Variants in BAG2 observed in about 807,000 individuals in gnomAD.
BAG2 encodes BAG family molecular chaperone regulator 2.
Under a neutral mutation model 16.4 loss-of-function variants are expected in BAG2, and 8 were observed. That is an observed-to-expected ratio of 0.49 (90% CI 0.29 to 0.88). The LOEUF (loss-of-function observed/expected upper bound fraction) is 0.88. Ranked by LOEUF, BAG2 falls within the 40% of genes least tolerant of loss-of-function variation. The pLI, the probability that BAG2 is intolerant of heterozygous loss-of-function variation, is 0.09. For synonymous variants in BAG2, 82 were observed against 89.2 expected (o/e 0.92, Z 0.46); for missense variants, 218 against 248.9 (o/e 0.88, Z 0.84).
Position 57,188,505 on chromosome 6 carries a change from C to CAAGT in BAG2, c.*4316_*4319dup, listed in dbSNP as rs765130016. 1.3e-5 allele frequency: 2 copies of CAAGT among 151,992 alleles called. No individual in the cohort carries two copies. The highest frequency in any genetic ancestry group is 2.9e-5 in the Non-Finnish European group (2 of 68,000). The allele number at this position is 151,992 out of a possible 1,614,324, so 9.4% of individuals were successfully genotyped here. On this transcript the variant is annotated 3_prime_UTR_variant, in exon 3 of 3. Coordinates refer to ENST00000370693, the MANE Select transcript of BAG2 (RefSeq NM_004282.4). ...AAAGAACTAACTAGAACACATATAA[C>CAAGT]AAGTGATTTTTCTGCCAATAAAGAC...
At chr6:57,172,841 C>T in intron 1 of BAG2, 31 bp downstream of exon 1, 1 of 1,438,928 alleles carries the variant, frequency 6.9e-7, no homozygotes, top group African/African-American at 1.5e-5. Flanking sequence ...CTCGGGCGTT[C>T]TGCTCGCCGC....
chr6:57,182,893 C>T (rs539702661), intron 2 of BAG2, among the ~76,000 whole-genome samples: 4 of 152,266 alleles, frequency 2.6e-5, no homozygotes, highest in Middle Eastern at 3.4e-3. Flanking sequence ...TCAGGTGATC[C>T]GCCTGCCTCA....
chr6:57,185,664 A>G lies in BAG2; in HGVS notation c.*1474A>G, dbSNP rs1764599011. On this transcript the variant is annotated 3_prime_UTR_variant, in exon 3 of 3. Transcript: ENST00000370693. Reference sequence around the variant, plus strand: ...CATTAATTCTATCTATGGCAGAGCCACTTGGTTTGTTAGCAGACTGATTTG... The same window carrying G: ...CATTAATTCTATCTATGGCAGAGCCGCTTGGTTTGTTAGCAGACTGATTTG... 6.6e-6 allele frequency: 1 copy of G among 152,316 alleles called. No homozygotes were observed. The highest frequency in any genetic ancestry group is 1.5e-5 in the Non-Finnish European group (1 of 68,018). The allele number at this position is 152,316 out of a possible 1,614,324, so 9.4% of individuals were successfully genotyped here.
At chr6:57,182,404 C>A (rs1340806947) in intron 2 of BAG2, among the ~76,000 whole-genome samples, 1 of 151,686 alleles carries the variant, frequency 6.6e-6, no homozygotes, top group African/African-American at 2.4e-5. Flanking sequence ...TGGCCCCAAG[C>A]AGTAAGGCCA....
In BAG2 at chr6:57,189,171, CAT is replaced by C. The variant is rs1491561820; in HGVS notation, c.*4982_*4983del. On this transcript the variant is annotated 3_prime_UTR_variant, in exon 3 of 3. Transcript: ENST00000370693. ...AAGTGACAAAATTTATGTCCTGACA[CAT>C]GATTACATATTAAATCATTTTGTAA... 6.6e-6 allele frequency: 1 copy of C among 152,150 alleles called. No homozygotes were observed. Among genetic ancestry groups the C allele is most frequent in the Admixed American group, 6.5e-5 (1 of 15,276 alleles). 9.4% of individuals were successfully genotyped at this position (152,150 alleles called of 1,614,324 possible). A position where few individuals can be genotyped will look rare whatever the true frequency, so the allele number is the denominator to read the frequency against.
intron 2 of BAG2, among the ~76,000 whole-genome samples, chr6:57,183,453 A>G (rs937674693): frequency 2.0e-5 from 3 of 152,196 alleles, no homozygotes; most frequent in Non-Finnish European, 4.4e-5. Context: ...TCTACCCAGC[A>G]TAAACCCTAT....
intron 2 of BAG2, among the ~76,000 whole-genome samples, chr6:57,182,534 A>G (rs1265068892): frequency 6.6e-6 from 1 of 151,332 alleles, no homozygotes; most frequent in Non-Finnish European, 1.5e-5. Context: ...AGAGACCAAA[A>G]AAAAAAAAAA....
chr6:57,182,446 T>G lies in BAG2; in HGVS notation c.223+305T>G, dbSNP rs377497115. ...TTATCCCAGGTTCACAGTCCTAACT[T>G]CAGTTCCTCACAAGTTACTGGACTG... On this transcript the variant is annotated intron_variant, in intron 2 of 2. Coordinates refer to ENST00000370693, the MANE Select transcript of BAG2 (RefSeq NM_004282.4). 4.0e-5 allele frequency among the ~76,000 whole-genome samples: 6 copies of G among 149,704 alleles called. No individual in the cohort carries two copies. In the East Asian group the frequency reaches 8.0e-4, roughly 20 times the overall value.
intron 1 of BAG2, among the ~76,000 whole-genome samples, chr6:57,176,602 A>G (rs1562639926): frequency 1.3e-5 from 2 of 152,280 alleles, no homozygotes; most frequent in South Asian, 2.1e-4. Context: ...CCCAAAACTT[A>G]TAACACAGTG....
Position 57,187,281 on chromosome 6 carries a change from T to C in BAG2, c.*3091T>C, listed in dbSNP as rs979166475. ...AAAATAATAATAATAAAGATTATTA[T>C]AGCCAAATCATCCAGTTAGCCAGGA... On this transcript the variant is annotated 3_prime_UTR_variant, in exon 3 of 3. Transcript: ENST00000370693. 1.3e-5 allele frequency: 2 copies of C among 152,196 alleles called. No homozygotes were observed. The highest frequency in any genetic ancestry group is 2.9e-5 in the Non-Finnish European group (2 of 68,040). 9.4% of individuals were successfully genotyped at this position (152,196 alleles called of 1,614,324 possible).
rs1449506162 is a variant in BAG2, at chr6:57,188,368, A to AAGAT, written c.*4180_*4183dup. 2 of 152,180 alleles carry AAGAT rather than the reference A, an allele frequency of 1.3e-5. No homozygotes were observed. The highest frequency in any genetic ancestry group is 1.9e-4 in the East Asian group (1 of 5,204). The allele number at this position is 152,180 out of a possible 1,614,324, so 9.4% of individuals were successfully genotyped here. ...TCTCTCTTCAGTTCTTATTTAAAAAAAGATAAAACTAGGTACATAAAATTA... is the reference window on the plus strand; with the variant it reads ...TCTCTCTTCAGTTCTTATTTAAAAAAAGATAGATAAAACTAGGTACATAAAATTA... On this transcript the variant is annotated 3_prime_UTR_variant, in exon 3 of 3. Transcript: ENST00000370693.
chr6:57,185,530 T>G lies in BAG2; in HGVS notation c.*1340T>G, dbSNP rs893555817. On this transcript the variant is annotated 3_prime_UTR_variant, in exon 3 of 3. Coordinates refer to ENST00000370693, the MANE Select transcript of BAG2 (RefSeq NM_004282.4). Reference sequence around the variant, plus strand: ...TCAAACTTCATTTTCTCTACAAAAATGCCAAGTTAGTCTCTTTATAAAAAG... The same window carrying G: ...TCAAACTTCATTTTCTCTACAAAAAGGCCAAGTTAGTCTCTTTATAAAAAG... The G allele has an allele frequency of 6.6e-6, 1 of 152,236 alleles. No individual in the cohort carries two copies. 9.4% of individuals were successfully genotyped at this position (152,236 alleles called of 1,614,324 possible).
At chr6:57,173,587 A>G in intron 1 of BAG2, 1 of 823,814 alleles carries the variant, frequency 1.2e-6, no homozygotes, top group Non-Finnish European at 1.5e-6. Context: ...AGACTTGTAT[A>G]GAATTTCTAA....
In BAG2 at chr6:57,182,092, A is replaced by T; in HGVS notation, c.174A>T (p.Glu58Asp). 6.2e-7 allele frequency: 1 copy of T among 1,614,186 alleles called. No homozygotes were observed. Among genetic ancestry groups the T allele is most frequent in the East Asian group, 2.2e-5 (1 of 44,886 alleles). Reference sequence around the variant, plus strand: ...AGCAAGAGAAAGAAATCCTTCTGGAAATGATCCACAGTATCCAAAATAGCC... The same window carrying T: ...AGCAAGAGAAAGAAATCCTTCTGGATATGATCCACAGTATCCAAAATAGCC... The part of the protein sequence containing the change: ...AVEQEKEILL[E>D]MIHSIQNSQD... The change falls in exon 2 of 3, where the codon GAA (glutamate) becomes GAT (aspartate). Residue 58 changes from glutamate to aspartate, a missense_variant. By Grantham distance (45) the Glu-to-Asp change is conservative. This residue lies in a region of BAG2 where 30 missense variants were observed against 57.8 expected (regional missense o/e 0.52). Coordinates refer to ENST00000370693, the MANE Select transcript of BAG2 (RefSeq NM_004282.4).
rs1183648170 is a variant in BAG2, at chr6:57,189,828, A to G, written c.*5638A>G. On this transcript the variant is annotated 3_prime_UTR_variant, in exon 3 of 3. Coordinates refer to ENST00000370693, the MANE Select transcript of BAG2 (RefSeq NM_004282.4). ...ATCATTTGAAAATAAAAACATATACACAATATGTAAATGGTTTTATAAGTG... is the reference window on the plus strand; with the variant it reads ...ATCATTTGAAAATAAAAACATATACGCAATATGTAAATGGTTTTATAAGTG... The G allele has an allele frequency of 6.5e-6, 1 of 153,370 alleles. No homozygotes were observed. Among genetic ancestry groups the G allele is most frequent in the Non-Finnish European group, 1.5e-5 (1 of 68,554 alleles). 9.5% of individuals were successfully genotyped at this position (153,370 alleles called of 1,614,324 possible).
rs777447219 is a variant in BAG2, at chr6:57,172,714, T to A, written c.17T>A (p.Ile6Asn). The change falls in exon 1 of 3, where the codon ATC (isoleucine) becomes AAC (asparagine). Residue 6 changes from isoleucine to asparagine, a missense_variant. Physicochemically the swap from Ile to Asn is moderately radical, Grantham distance 149 (BLOSUM62 -3). This residue lies in a region of BAG2 where 75 missense variants were observed against 63.1 expected (regional missense o/e 1.19). Transcript: ENST00000370693. ...GAGGCTTAGATGGCTCAGGCGAAGA[T>A]CAACGCTAAAGCCAACGAGGGGCGC... MAQAK[I>N]NAKANEGRFC... 2 of 1,573,990 alleles carry A rather than the reference T, an allele frequency of 1.3e-6. No homozygotes were observed. The highest frequency in any genetic ancestry group is 2.3e-5 in the South Asian group (2 of 85,292).
rs1208352866 is a variant in BAG2 at position 57,186,111 on chromosome 6, T to TTTTTTTG, written c.*1933_*1939dup. 1 of 152,390 alleles carries TTTTTTTG rather than the reference T, an allele frequency of 6.6e-6. No homozygotes were observed. Among genetic ancestry groups the TTTTTTTG allele is most frequent in the East Asian group, 1.9e-4 (1 of 5,164 alleles). The allele number at this position is 152,390 out of a possible 1,614,324, so 9.4% of individuals were successfully genotyped here. A position where few individuals can be genotyped will look rare whatever the true frequency, so the allele number is the denominator to read the frequency against. ...AGGGAATCTCCAGTGTGGTTTTTTGTTTTTTTGTTTTTTGTTTTGGAGTCT... is the reference window on the plus strand; with the variant it reads ...AGGGAATCTCCAGTGTGGTTTTTTGTTTTTTTGTTTTTTGTTTTTTGTTTTGGAGTCT... On this transcript the variant is annotated 3_prime_UTR_variant, in exon 3 of 3. Transcript: ENST00000370693.
At chr6:57,181,003 A>G (rs1225026634) in intron 1 of BAG2, among the ~76,000 whole-genome samples, 2 of 152,244 alleles carry the variant, frequency 1.3e-5, no homozygotes, top group African/African-American at 4.8e-5. Context: ...GTCTGAAATT[A>G]TTAGGAAAAC....
rs1764623729 is a variant in BAG2 at position 57,186,794 on chromosome 6, C to T, written c.*2604C>T. 6.6e-6 allele frequency: 1 copy of T among 152,152 alleles called. No homozygotes were observed. The highest frequency in any genetic ancestry group is 1.5e-5 in the Non-Finnish European group (1 of 68,030). The allele number at this position is 152,152 out of a possible 1,614,324, so 9.4% of individuals were successfully genotyped here. A position where few individuals can be genotyped will look rare whatever the true frequency, so the allele number is the denominator to read the frequency against. ...TATCTCAATTCTCTACCATTCCTAG[C>T]ATATAATACATAATTTTAGGGTAGC... On this transcript the variant is annotated 3_prime_UTR_variant, in exon 3 of 3. Transcript: ENST00000370693.
Sources: gnomAD v4.1 joint callset for allele counts (sites outside exome capture counted in the v4.1 genomes callset) on GRCh38, gnomAD v4.1.1 for gene constraint, gnomAD v4.1.1 regional missense constraint, MANE v1.5 for transcripts, NCBI Gene and HGNC (gene_info 2026-07-23, HGNC 2026-07-21) for gene names.